The following AGAP1 variants were observed in gnomAD, a reference collection of about 807,000 sequenced individuals.
AGAP1 encodes ArfGAP with GTPase domain, ankyrin repeat and PH domain 1.
Under a neutral mutation model 105.3 loss-of-function variants are expected in AGAP1, and 29 were observed. That is an observed-to-expected ratio of 0.28 (90% CI 0.21 to 0.38). AGAP1 has a LOEUF of 0.38. Among genes scored for constraint, AGAP1 ranks in the 10% least tolerant of loss-of-function variants. AGAP1 has a pLI of 1.00. For missense variants in AGAP1, 998 were observed against 1,165.1 expected, an observed-to-expected ratio of 0.86 and a Z score of 2.09; for synonymous variants, 509 against 485.9, an observed-to-expected ratio of 1.05 and a Z score of -0.63.
intron 12 of AGAP1, 52 bp from the exon 13 acceptor site, chr2:235,968,410 T>A: frequency 6.4e-7 from 1 of 1,552,526 alleles, no homozygotes; most frequent in Non-Finnish European, 8.6e-7. Flanking sequence ...GCTTTGTAAG[T>A]GCTCACTCTG....
intron 6 of AGAP1, among the ~76,000 whole-genome samples, chr2:235,762,016 G>A (rs1429766512): frequency 6.6e-6 from 1 of 151,794 alleles, no homozygotes; most frequent in African/African-American, 2.4e-5. Context: ...GGCTGAGGCA[G>A]GAGAATCGAT....
intron 16 of AGAP1, among the ~76,000 whole-genome samples, chr2:236,107,205 C>A (rs1232458745): frequency 6.8e-6 from 1 of 147,826 alleles, no homozygotes; most frequent in Non-Finnish European, 1.5e-5. Flanking sequence ...AAAACTGAAG[C>A]CTGGGAGAGG....
intron 13 of AGAP1, among the ~76,000 whole-genome samples, 195 bp downstream of exon 13, chr2:235,968,818 G>A (rs370259797): frequency 5.3e-4 from 81 of 152,140 alleles, no homozygotes; most frequent in African/African-American, 1.8e-3. Context: ...CTCATATTAC[G>A]CAACCAAATC....
intron 1 of AGAP1, among the ~76,000 whole-genome samples, chr2:235,563,137 C>A (rs1164005602): frequency 6.6e-6 from 1 of 152,174 alleles, no homozygotes; most frequent in Non-Finnish European, 1.5e-5. Context: ...CTGCCTTGTG[C>A]TGAATGCAGC....
intron 16 of AGAP1, among the ~76,000 whole-genome samples, chr2:236,112,695 G>A (rs942043909): frequency 2.4e-4 from 36 of 152,152 alleles, no homozygotes; most frequent in Admixed American, 2.0e-3. Flanking sequence ...GGCAGGAGGC[G>A]GCACTCGCAT....
At position 235,750,250 on chromosome 2, in the gene AGAP1, A is replaced by G. The variant is rs973289823; in HGVS notation, c.539-104A>G. 4.0e-5 allele frequency: 60 copies of G among 1,499,450 alleles called. No homozygotes were observed. The highest frequency in any genetic ancestry group is 3.8e-5 in the Non-Finnish European group (42 of 1,091,574). The allele number at this position is 1,499,450 out of a possible 1,614,324, so 92.9% of individuals were successfully genotyped here. ...AATTCCAGATTCATAAACTAATTAC[A>G]TTTCTGCTGAGTAAGGTACTGGTTT... On this transcript the variant is annotated intron_variant, in intron 5 of 17. Transcript: ENST00000304032. This position sits in a 1 kb window ranked among gnomAD's most constrained non-coding sequence, Gnocchi z 5.3.
chr2:235,670,880 G>A (rs750894596), intron 1 of AGAP1: 1 of 1,302,052 alleles, frequency 7.7e-7, no homozygotes, highest in Non-Finnish European at 9.7e-7. Flanking sequence ...CGCGGCCTCG[G>A]AGCACCGGCT....
chr2:235,595,973 C>T (rs558686762), intron 1 of AGAP1, among the ~76,000 whole-genome samples: 4 of 152,278 alleles, frequency 2.6e-5, no homozygotes, highest in African/African-American at 7.2e-5. Context: ...TATTACTTTG[C>T]GTACTGTGTA....
rs776222697 is a variant in AGAP1 at position 235,717,659 on chromosome 2, A to G, written c.310+15A>G. On this transcript the variant is annotated intron_variant, in intron 3 of 17. Coordinates refer to ENST00000304032, the MANE Select transcript of AGAP1 (RefSeq NM_001037131.3). ...GTCTCCGGAAGGTATGCTGTTTGGC[A>G]GGCAGTTGCAAACTTAAGAATGTAG... The G allele has an allele frequency of 3.1e-6, 5 of 1,591,860 alleles. No individual in the cohort carries two copies. The highest frequency in any genetic ancestry group is 3.4e-6 in the Non-Finnish European group (4 of 1,172,902).
chr2:235,753,117 A>G lies in AGAP1; in HGVS notation c.673+2629A>G, dbSNP rs1242117042. ...TTCCCCTGGGGGTCAGGATTTCAGT[A>G]TAAGAATTTGGGTTGAGTTCCATAC... On this transcript the variant is annotated intron_variant, in intron 6 of 17. Coordinates refer to ENST00000304032, the MANE Select transcript of AGAP1 (RefSeq NM_001037131.3). This position sits in a 1 kb window ranked among gnomAD's most constrained non-coding sequence, Gnocchi z 4.5. 1.3e-5 allele frequency among the ~76,000 whole-genome samples: 2 copies of G among 152,188 alleles called. No homozygotes were observed. The highest frequency in any genetic ancestry group is 1.3e-4 in the Admixed American group (2 of 15,280).
In AGAP1 at chr2:235,959,727, T is replaced by A. The variant is rs2054102578; in HGVS notation, c.1484-8735T>A. Among the ~76,000 whole-genome samples, 1 of 152,206 alleles carries A rather than the reference T, an allele frequency of 6.6e-6. No homozygotes were observed. Among genetic ancestry groups the A allele is most frequent in the Admixed American group, 6.5e-5 (1 of 15,288 alleles). ...CACTCCCTCGTGTAGCCGGTTCCCCTGCTGCTGCAGCCGGGCCCTCCCACA... is the reference window on the plus strand; with the variant it reads ...CACTCCCTCGTGTAGCCGGTTCCCCAGCTGCTGCAGCCGGGCCCTCCCACA... On this transcript the variant is annotated intron_variant, in intron 12 of 17. Coordinates refer to ENST00000304032, the MANE Select transcript of AGAP1 (RefSeq NM_001037131.3). The surrounding 1 kb of genome is among the most constrained non-coding windows in gnomAD (Gnocchi z 7.3).
At position 236,040,880 on chromosome 2, in the gene AGAP1, A is replaced by G. The variant is rs2125680029; in HGVS notation, c.1891+39A>G. On this transcript the variant is annotated intron_variant, in intron 15 of 17. Coordinates refer to ENST00000304032, the MANE Select transcript of AGAP1 (RefSeq NM_001037131.3). This position sits in a 1 kb window ranked among gnomAD's most constrained non-coding sequence, Gnocchi z 5.6. ...GTGGTAGCAGGGGCTGGCGCTGTGTAGCTGGAGACCACATGGTCCCACTAG... is the reference window on the plus strand; with the variant it reads ...GTGGTAGCAGGGGCTGGCGCTGTGTGGCTGGAGACCACATGGTCCCACTAG... 2 of 1,608,518 alleles carry G rather than the reference A, an allele frequency of 1.2e-6. No individual in the cohort carries two copies. The highest frequency in any genetic ancestry group is 1.1e-5 in the South Asian group (1 of 90,866).
chr2:235,896,960 C>G (rs189551809), intron 10 of AGAP1, among the ~76,000 whole-genome samples: 1 of 152,142 alleles, frequency 6.6e-6, no homozygotes, highest in African/African-American at 2.4e-5. Context: ...ATAAAAGGGC[C>G]GAAAGCTATC....
intron 9 of AGAP1, among the ~76,000 whole-genome samples, chr2:235,821,349 A>G (rs1958774863): frequency 6.6e-6 from 1 of 151,888 alleles, no homozygotes; most frequent in African/African-American, 2.4e-5. Context: ...CGCAGTAACA[A>G]GTGAACTGGG....
At chr2:235,668,351 G>A (rs775283513) in intron 1 of AGAP1, among the ~76,000 whole-genome samples, 1 of 152,066 alleles carries the variant, frequency 6.6e-6, no homozygotes. Context: ...TTCCAGTGTC[G>A]TGAACACAAT....
rs1409245436 is a variant in AGAP1, at chr2:235,970,578, A to G, written c.1645+1955A>G. 1.3e-5 allele frequency among the ~76,000 whole-genome samples: 2 copies of G among 152,290 alleles called. No homozygotes were observed. Among genetic ancestry groups the G allele is most frequent in the East Asian group, 3.9e-4 (2 of 5,176 alleles). ...CTTTCACAGGCACGCGTCTTCTTGC[A>G]TTTGTTGTGTGTTTCCAACCGAGGT... is the stretch of plus-strand genomic sequence containing the variant. On this transcript the variant is annotated intron_variant, in intron 13 of 17. Coordinates refer to ENST00000304032, the MANE Select transcript of AGAP1 (RefSeq NM_001037131.3). This position sits in a 1 kb window ranked among gnomAD's most constrained non-coding sequence, Gnocchi z 5.4.
chr2:235,882,452 A>T lies in AGAP1; in HGVS notation c.1051-893A>T. On this transcript the variant is annotated intron_variant, in intron 9 of 17. Coordinates refer to ENST00000304032, the MANE Select transcript of AGAP1 (RefSeq NM_001037131.3). The surrounding 1 kb of genome is among the most constrained non-coding windows in gnomAD (Gnocchi z 4.6). The stretch of plus-strand genomic sequence containing the variant: ...TCTCCGTTTTCTTCAGCTTGGCCCT[A>T]TTGAAGCTGGCGATTCCCCCCACGT... 1 of 1,584,890 alleles carries T rather than the reference A, an allele frequency of 6.3e-7. No individual in the cohort carries two copies. Among genetic ancestry groups the T allele is most frequent in the Non-Finnish European group, 8.6e-7 (1 of 1,157,320 alleles).
chr2:235,676,257 C>T (rs1179410754), intron 1 of AGAP1, among the ~76,000 whole-genome samples: 50 of 152,194 alleles, frequency 3.3e-4, no homozygotes, highest in Admixed American at 3.3e-3. Flanking sequence ...AGCACTAGTC[C>T]ACTGTGTAAC....
rs542987732 is a variant in AGAP1, at chr2:236,062,754, T to C, written c.2114+13473T>C. Among the ~76,000 whole-genome samples, 248 of 151,748 alleles carry C rather than the reference T, an allele frequency of 1.6e-3. 1 individual carries two copies. Among genetic ancestry groups the C allele is most frequent in the African/African-American group, 5.8e-3 (241 of 41,390 alleles). On this transcript the variant is annotated intron_variant, in intron 16 of 17. Coordinates refer to ENST00000304032, the MANE Select transcript of AGAP1 (RefSeq NM_001037131.3). The surrounding 1 kb of genome is among the most constrained non-coding windows in gnomAD (Gnocchi z 4.2). ...TTGGCTCACTGCAACCTCCACCTCC[T>C]GGGTTCAAGCAAATTCTCTGCCTCA...
Sources: gnomAD v4.1 joint callset for allele counts (sites outside exome capture counted in the v4.1 genomes callset) on GRCh38, gnomAD v4.1.1 for gene constraint, Gnocchi (gnomAD v3.1) non-coding constraint, MANE v1.5 for transcripts, NCBI Gene and HGNC (gene_info 2026-07-23, HGNC 2026-07-21) for gene names.